The following SLC9B2 variants were observed in gnomAD, a reference collection of about 807,000 sequenced individuals.
The protein encoded by SLC9B2 is sodium/hydrogen exchanger 9B2.
Under a neutral mutation model 52.2 loss-of-function variants are expected in SLC9B2, and 39 were observed. The ratio of observed to expected loss-of-function variants is 0.75; its 90% CI spans 0.58 to 0.98. SLC9B2 has a LOEUF of 0.98. SLC9B2 is among the 50% of genes least tolerant of loss of function. The pLI is 0.00. For missense variants in SLC9B2, 626 were observed against 637.5 expected, an observed-to-expected ratio of 0.98 and a Z score of 0.19; for synonymous variants, 214 against 227.0, an observed-to-expected ratio of 0.94 and a Z score of 0.51.
chr4:103,054,488 G>T (rs1036824255), intron 4 of SLC9B2, among the ~76,000 whole-genome samples: 4 of 152,074 alleles, frequency 2.6e-5, no homozygotes, highest in African/African-American at 4.8e-5. Flanking sequence ...TTGATGCAAG[G>T]GTCAGCAAAA....
intron 3 of SLC9B2, chr4:103,065,514 A>C (rs1746045121): frequency 1.3e-5 from 2 of 152,166 alleles, no homozygotes. Flanking sequence ...CAATGTAAAA[A>C]ATAAAATAAA....
rs762908017 is a variant in SLC9B2, at chr4:103,043,308, C to G, written c.1134G>C (p.Trp378Cys). ...AAATGAAATTCACCTTTTCGCTGGT[C>G]CATCCCATGCCTGCAAGGAAAGCCA... The part of the protein sequence containing the change: ...LVMAFLAGMG[W>C]TSEKAEVEKI... Residue 378 changes from tryptophan (W) to cysteine (C), a missense_variant, in exon 9 of 12, where the codon TGG becomes TGC. By Grantham distance (215) the Trp-to-Cys change is radical. Coordinates refer to ENST00000394785, the MANE Select transcript of SLC9B2 (RefSeq NM_178833.7). The G allele has an allele frequency of 6.2e-7, 1 of 1,607,188 alleles. No individual in the cohort carries two copies.
intron 3 of SLC9B2, among the ~76,000 whole-genome samples, chr4:103,059,549 A>G (rs1745449533): frequency 6.6e-6 from 1 of 152,230 alleles, no homozygotes; most frequent in Non-Finnish European, 1.5e-5. Flanking sequence ...AATTGCATGA[A>G]AAGTCAGCAC....
chr4:103,043,329 A>AGGGAT lies in SLC9B2; in HGVS notation c.1112_1113insATCCC (p.Phe372SerfsTer19). On this transcript the variant is annotated frameshift_variant, in exon 9 of 12. Transcript: ENST00000394785. ...TGGTCCATCCCATGCCTGCAAGGAA[A>AGGGAT]GCCATGACCAACGTGCACAGTCCTC... The AGGGAT allele has an allele frequency of 1.2e-6, 2 of 1,612,086 alleles. No homozygotes were observed. The highest frequency in any genetic ancestry group is 1.1e-5 in the South Asian group (1 of 90,562).
intron 1 of SLC9B2, among the ~76,000 whole-genome samples, chr4:103,072,358 T>C (rs1304943545): frequency 6.6e-6 from 1 of 152,136 alleles, no homozygotes; most frequent in Admixed American, 6.5e-5. Context: ...CACCCAGCCC[T>C]GGTCTTCATA....
In SLC9B2 at chr4:103,024,139, G is replaced by A. The variant is rs939015138; in HGVS notation, c.*2231C>T. Among the ~76,000 whole-genome samples the A allele has an allele frequency of 5.3e-5, 8 of 152,134 alleles. No homozygotes were observed. The highest frequency in any genetic ancestry group is 1.0e-4 in the Non-Finnish European group (7 of 68,020). On this transcript the variant is annotated 3_prime_UTR_variant, in exon 12 of 12. Coordinates refer to ENST00000394785, the MANE Select transcript of SLC9B2 (RefSeq NM_178833.7). ...AGCACTTATCATATTGTTTTGCAAT[G>A]TCTTGTTTAACTGTCTGTTTTCTCT...
intron 9 of SLC9B2, among the ~76,000 whole-genome samples, chr4:103,038,284 T>C (rs1336504587): frequency 6.6e-6 from 1 of 152,238 alleles, no homozygotes; most frequent in African/African-American, 2.4e-5. Context: ...ATGTGTTTCA[T>C]ATACTCAGAA....
At chr4:103,027,651 A>C (rs991177024) in intron 11 of SLC9B2, among the ~76,000 whole-genome samples, 1 of 152,178 alleles carries the variant, frequency 6.6e-6, no homozygotes, top group African/African-American at 2.4e-5. Flanking sequence ...CATCAGAAAC[A>C]ATGGCAGAAA....
intron 7 of SLC9B2, among the ~76,000 whole-genome samples, chr4:103,046,732 G>A (rs145554563): frequency 3.4e-5 from 5 of 148,990 alleles, no homozygotes; most frequent in Non-Finnish European, 6.0e-5. Flanking sequence ...TCTTTTGTGT[G>A]AAGTCTCCAC....
chr4:103,035,846 C>T (rs1315915628), intron 9 of SLC9B2, among the ~76,000 whole-genome samples: 1 of 152,140 alleles, frequency 6.6e-6, no homozygotes, highest in Non-Finnish European at 1.5e-5. Context: ...AAGTGTTATT[C>T]ACAATAGCAA....
rs199587143 is a variant in SLC9B2 at position 103,053,105 on chromosome 4, GT to G, written c.443-2724del. 2.2e-4 allele frequency among the ~76,000 whole-genome samples: 32 copies of G among 148,388 alleles called. No homozygotes were observed. The South Asian group carries it at 3.6e-3, about 17-fold the overall frequency. ...CTAATCTCATTTCATCCACTCCCAA[GT>G]TTTTTTTTTATTATTTGTGTTATGG... On this transcript the variant is annotated intron_variant, in intron 4 of 11. Transcript: ENST00000394785.
chr4:103,036,668 G>C (rs1377588333), intron 9 of SLC9B2, among the ~76,000 whole-genome samples: 1 of 149,956 alleles, frequency 6.7e-6, no homozygotes, highest in Non-Finnish European at 1.5e-5. Flanking sequence ...TTTTTTCAAG[G>C]GGGAACACCA....
intron 9 of SLC9B2, among the ~76,000 whole-genome samples, chr4:103,034,112 A>G (rs995502104): frequency 6.6e-6 from 1 of 152,168 alleles, no homozygotes; most frequent in Non-Finnish European, 1.5e-5. Context: ...ACAGACACAT[A>G]GACAAATAGA....
At chr4:103,021,089 G>A (rs186715135), downstream of SLC9B2, among the ~76,000 whole-genome samples, 77 of 152,274 alleles carry the variant, frequency 5.1e-4, no homozygotes, top group African/African-American at 1.8e-3. Flanking sequence ...TGTACTCACA[G>A]GAAAAGCAGG....
At chr4:103,035,583 A>T (rs1743096882) in intron 9 of SLC9B2, among the ~76,000 whole-genome samples, 1 of 152,178 alleles carries the variant, frequency 6.6e-6, no homozygotes, top group South Asian at 2.1e-4. Flanking sequence ...GGTTGAATTA[A>T]TTTACACTTC....
chr4:103,069,170 A>G (rs1052649714), intron 1 of SLC9B2, among the ~76,000 whole-genome samples: 4 of 152,356 alleles, frequency 2.6e-5, no homozygotes, highest in Non-Finnish European at 5.9e-5. Flanking sequence ...TCACTTGATG[A>G]GAAAATGTTA....
chr4:103,030,648 T>TTA (rs943761592), intron 10 of SLC9B2, among the ~76,000 whole-genome samples: 4 of 151,910 alleles, frequency 2.6e-5, no homozygotes, highest in South Asian at 2.1e-4. Context: ...TAGAGGAATT[T>TTA]TATATATATA....
At chr4:103,020,790 C>A (rs745906419), downstream of SLC9B2, among the ~76,000 whole-genome samples, 5 of 151,960 alleles carry the variant, frequency 3.3e-5, no homozygotes, top group Non-Finnish European at 7.4e-5. Flanking sequence ...ACCACTACCC[C>A]CGGCTAATTT....
At chr4:103,054,703 T>A (rs1332281910) in intron 4 of SLC9B2, among the ~76,000 whole-genome samples, 2 of 152,200 alleles carry the variant, frequency 1.3e-5, no homozygotes, top group African/African-American at 4.8e-5. Context: ...TTAAAAACAA[T>A]TCATTTTAGG....
Sources: allele counts gnomAD v4.1 joint callset (sites outside exome capture counted in the v4.1 genomes callset), GRCh38; gene constraint gnomAD v4.1.1; transcripts MANE v1.5; gene names NCBI Gene and HGNC (gene_info 2026-07-23, HGNC 2026-07-21).